Variants in TAF1D observed in about 807,000 individuals in gnomAD.
The protein encoded by TAF1D is TATA box-binding protein-associated factor RNA polymerase I subunit D.
A neutral mutation model predicts 26.2 loss-of-function variants in TAF1D; 23 were observed. The observed-to-expected ratio is 0.88, with a 90% CI of 0.63 to 1.25. The LOEUF (loss-of-function observed/expected upper bound fraction) is 1.25. Ranked by LOEUF, TAF1D falls within the 50% of genes most tolerant of loss-of-function variation. The pLI, the probability that TAF1D is intolerant of heterozygous loss-of-function variation, is 0.00. For missense variants in TAF1D, 299 were observed against 322.0 expected (o/e 0.93, Z 0.55); for synonymous variants, 100 against 105.6 (o/e 0.95, Z 0.33).
At chr11:93,740,270 CTT>C (rs1941638472) in intron 1 of TAF1D, among the ~76,000 whole-genome samples, 1 of 151,582 alleles carries the variant, frequency 6.6e-6, no homozygotes, top group African/African-American at 2.4e-5. Context: ...CAAGGAGACC[CTT>C]GTCTCTACAA....
exon 12 of TAF1D, chr11:93,730,387 A>G (rs1391617101): frequency 2.3e-6 from 2 of 871,962 alleles, no homozygotes; most frequent in Non-Finnish European, 3.9e-6. Context: ...TCCACTGTCC[A>G]TCAAGGTCAC....
At position 93,737,111 on chromosome 11, in the gene TAF1D, G is replaced by A. The variant is rs749690030; in HGVS notation, c.588C>T (p.Tyr196=). ...LENEDFDSRR[Y]KFLDDDGSIS... is the part of the protein sequence containing the mutation. ...TGGATCCATCATCATCCAAAAATTT[G>A]TATCTACGACTGTCAAAATCTTCAT... Residue 196 remains tyrosine, a synonymous_variant, in exon 4 of 6, where the codon TAC becomes TAT. Coordinates refer to ENST00000448108, the MANE Select transcript of TAF1D (RefSeq NM_024116.4). 36 of 1,608,814 alleles carry A rather than the reference G, an allele frequency of 2.2e-5. No individual in the cohort carries two copies. Among genetic ancestry groups the A allele is most frequent in the South Asian group, 1.3e-4 (12 of 89,522 alleles).
chr11:93,733,324 T>C (rs181057218), downstream of TAF1D: 153 of 519,104 alleles, frequency 2.9e-4, 1 homozygote, highest in Middle Eastern at 9.5e-4. Flanking sequence ...TCCCAAAAGA[T>C]TATACTGTCA....
Position 93,738,210 on chromosome 11 carries a change from T to A in TAF1D, c.358A>T (p.Ile120Leu). 1.2e-6 allele frequency: 2 copies of A among 1,609,100 alleles called. No homozygotes were observed. Among genetic ancestry groups the A allele is most frequent in the Non-Finnish European group, 1.7e-6 (2 of 1,178,972 alleles). Residue 120 changes from isoleucine to leucine, a missense_variant, in exon 3 of 6, where the codon ATA becomes TTA. By Grantham distance (5) the Ile-to-Leu change is conservative. Transcript: ENST00000448108. ...CTTCTAAATTGTTTCTTCTTATCTATTAGTGAGTATATAGGATTTCTCCTT... is the reference window on the plus strand; with the variant it reads ...CTTCTAAATTGTTTCTTCTTATCTAATAGTGAGTATATAGGATTTCTCCTT... Reference protein sequence around the residue: ...EGRRNPIYSLIDKKKQFRSRG... With the variant: ...EGRRNPIYSLLDKKKQFRSRG...
At chr11:93,735,179 T>G (rs375872013), downstream of TAF1D, 193 of 1,352,004 alleles carry the variant, frequency 1.4e-4, no homozygotes, top group African/African-American at 2.6e-3. Flanking sequence ...AGAGGATTTA[T>G]TTTTTGCACC....
intron 1 of TAF1D, 69 bp downstream of exon 1, chr11:93,741,253 G>A (rs1336637440): frequency 1.6e-5 from 7 of 451,012 alleles, no homozygotes; most frequent in South Asian, 4.7e-5. Context: ...GGGGCCCCGG[G>A]AAACCCCAGA....
At chr11:93,734,962 C>T (rs1940387871), downstream of TAF1D, 3 of 1,078,604 alleles carry the variant, frequency 2.8e-6, no homozygotes, top group Non-Finnish European at 3.6e-6. Context: ...GTGTTTCTTA[C>T]TTTCTTGCCT....
chr11:93,730,560 T>TAG (rs34898352), exon 12 of TAF1D: 275,377 of 637,694 alleles, frequency 0.43, 63,768 homozygotes, highest in Admixed American at 0.51. Flanking sequence ...AGGAGTGCTA[T>TAG]GGCTTCCTAT....
At chr11:93,737,889 G>A (rs1194583608) in intron 3 of TAF1D, among the ~76,000 whole-genome samples, 2 of 152,212 alleles carry the variant, frequency 1.3e-5, no homozygotes. Context: ...GAGCCTTGGA[G>A]CACTATCTTT....
At chr11:93,735,333 G>A (rs1940526324), downstream of TAF1D, 1 of 1,175,914 alleles carries the variant, frequency 8.5e-7, no homozygotes, top group Non-Finnish European at 1.1e-6. Flanking sequence ...AGGTATACAT[G>A]TTGAATAAAT....
Position 93,736,015 on chromosome 11 carries a change from G to A in TAF1D, c.*146C>T. 7.1e-7 allele frequency: 1 copy of A among 1,410,710 alleles called. No individual in the cohort carries two copies. The allele number at this position is 1,410,710 out of a possible 1,614,324, so 87.4% of individuals were successfully genotyped here. On this transcript the variant is annotated 3_prime_UTR_variant, in exon 6 of 6. Transcript: ENST00000448108. ...AGTTTCTTTCACAAACTTCTTCACA[G>A]GGTTAAAAATTTTTTTTCTTGTTAT...
At chr11:93,735,037 A>AC (rs1345737971), downstream of TAF1D, 9 of 1,269,026 alleles carry the variant, frequency 7.1e-6, no homozygotes, top group Admixed American at 2.0e-4. Context: ...TGCAGGCTTG[A>AC]CCCATTGCAC....
chr11:93,739,958 T>TA (rs1386482595), intron 1 of TAF1D, among the ~76,000 whole-genome samples: 2 of 22,494 alleles, frequency 8.9e-5, no homozygotes, highest in Admixed American at 8.0e-4. Context: ...GTATACAACA[T>TA]ACCAAAAAAA....
chr11:93,733,881 A>C (rs1940021977), downstream of TAF1D: 1 of 154,428 alleles, frequency 6.5e-6, no homozygotes, highest in Admixed American at 6.5e-5. Context: ...ATGAGCAGAA[A>C]CTGCAATATG....
chr11:93,741,198 C>T, intron 1 of TAF1D, 124 bp downstream of exon 1: 1 of 400,636 alleles, frequency 2.5e-6, no homozygotes, highest in Non-Finnish European at 4.9e-6. Flanking sequence ...GATCCCTTCA[C>T]CCTCTCGGAC....
In TAF1D at chr11:93,737,081, A is replaced by C. The variant is rs371719125; in HGVS notation, c.618T>G (p.Ser206=). The change falls in exon 4 of 6, where the codon TCT becomes TCG. Residue 206 remains serine (S), a synonymous_variant. Coordinates refer to ENST00000448108, the MANE Select transcript of TAF1D (RefSeq NM_024116.4). ...CCACTTACGTTGACTCCTCAATAGG[A>C]GAAATGGATCCATCATCATCCAAAA... ...YKFLDDDGSI[S]PIEESTAEDE... 2.7e-5 allele frequency: 43 copies of C among 1,603,852 alleles called. 1 individual carries two copies. In the African/African-American group the frequency reaches 4.7e-4, roughly 17 times the overall value.
intron 4 of TAF1D, 153 bp from the exon 5 acceptor site, chr11:93,736,904 G>A: frequency 9.2e-7 from 1 of 1,091,004 alleles, no homozygotes; most frequent in Non-Finnish European, 1.3e-6. Context: ...TAGATGAACG[G>A]TGTGCCAAGC....
chr11:93,737,226 C>T lies in TAF1D; in HGVS notation c.473G>A (p.Arg158Lys). Residue 158 changes from arginine (R) to lysine (K), a missense_variant, in exon 4 of 6, where the codon AGA (arginine) becomes AAA (lysine). Coordinates refer to ENST00000448108, the MANE Select transcript of TAF1D (RefSeq NM_024116.4). ...KILTFEQAVA[R>K]GFFNYIEKLK... ...TTTTTCAATATAGTTAAAAAATCCTCTTGCAACAGCTTGCTATATATTAAA... is the reference window on the plus strand; with the variant it reads ...TTTTTCAATATAGTTAAAAAATCCTTTTGCAACAGCTTGCTATATATTAAA... The T allele has an allele frequency of 6.2e-7, 1 of 1,602,210 alleles. No homozygotes were observed. The highest frequency in any genetic ancestry group is 8.5e-7 in the Non-Finnish European group (1 of 1,175,132).
rs1941184874 is a variant in TAF1D at position 93,738,334 on chromosome 11, T to C, written c.234A>G (p.Lys78=). The C allele has an allele frequency of 6.2e-7, 1 of 1,613,056 alleles. No individual in the cohort carries two copies. Among genetic ancestry groups the C allele is most frequent in the African/African-American group, 1.3e-5 (1 of 74,902 alleles). The change falls in exon 3 of 6, where the codon AAA becomes AAG. Residue 78 remains lysine (K), a synonymous_variant. Transcript: ENST00000448108. ...SSFEPIPLTI[K]AIFERFKNRK... is the part of the protein sequence containing the mutation. ...TGTTCTTGAATCTTTCAAAAATAGC[T>C]TTTATAGTCAATGGTATTGGTTCAA... is the stretch of plus-strand genomic sequence containing the variant.
Sources: gnomAD v4.1 joint callset for allele counts (sites outside exome capture counted in the v4.1 genomes callset) on GRCh38, gnomAD v4.1.1 for gene constraint, MANE v1.5 for transcripts, NCBI Gene and HGNC (gene_info 2026-07-23, HGNC 2026-07-21) for gene names.